Variants in CTPS1 observed in about 807,000 individuals in gnomAD.
The protein encoded by CTPS1 is CTP synthase 1.
In CTPS1, 25 loss-of-function variants were observed where a neutral mutation model predicts 80.5. That is an observed-to-expected ratio of 0.31 (90% CI 0.23 to 0.43). The LOEUF is 0.43. Among genes scored for constraint, CTPS1 ranks in the 20% least tolerant of loss-of-function variants. The pLI is 1.00. For missense variants in CTPS1, 442 were observed against 725.7 expected (o/e 0.61, Z 4.49); for synonymous variants, 267 against 252.5 (o/e 1.06, Z -0.54).
intron 3 of CTPS1, among the ~76,000 whole-genome samples, chr1:40,986,236 C>A (rs950373921): frequency 6.6e-6 from 1 of 152,172 alleles, no homozygotes; most frequent in Non-Finnish European, 1.5e-5. Context: ...GGCAGGTGGT[C>A]GGGGAGTCTC....
intron 3 of CTPS1, 54 bp downstream of exon 3, chr1:40,985,045 C>T: frequency 1.5e-6 from 2 of 1,308,098 alleles, no homozygotes; most frequent in Non-Finnish European, 2.1e-6. Context: ...TTAATTTCTT[C>T]TCCCTCCCAC....
At position 41,007,678 on chromosome 1, in the gene CTPS1, C is replaced by G; in HGVS notation, c.1393+133C>G. On this transcript the variant is annotated intron_variant, in intron 14 of 18. Coordinates refer to ENST00000650070, the MANE Select transcript of CTPS1 (RefSeq NM_001905.4). The surrounding 1 kb of genome is among the most constrained non-coding windows in gnomAD (Gnocchi z 4.4). ...TTCTTGCTTTTGAAGTTCATTCTTTCCTCTCTTATTCATACCCTTTTAGGA... is the reference window on the plus strand; with the variant it reads ...TTCTTGCTTTTGAAGTTCATTCTTTGCTCTCTTATTCATACCCTTTTAGGA... The G allele has an allele frequency of 2.9e-6, 2 of 688,428 alleles. No homozygotes were observed. Among genetic ancestry groups the G allele is most frequent in the South Asian group, 3.4e-5 (2 of 58,070 alleles). The allele number at this position is 688,428 out of a possible 1,614,324, so 42.6% of individuals were successfully genotyped here. A position where few individuals can be genotyped will look rare whatever the true frequency, so the allele number is the denominator to read the frequency against.
rs1300483493 is a variant in CTPS1 at position 40,993,771 on chromosome 1, TCTC to T, written c.720+1927_720+1929del. Among the ~76,000 whole-genome samples the T allele has an allele frequency of 4.1e-4, 52 of 127,752 alleles. 1 individual carries two copies. The South Asian group carries it at 0.013, about 31-fold the overall frequency. The allele number at this position is 127,752 out of a possible 152,430, so 83.8% of individuals were successfully genotyped here. A position where few individuals can be genotyped will look rare whatever the true frequency, so the allele number is the denominator to read the frequency against. ...TGTGCCTTGTCTTTTCATTTTCTTC[TCTC>T]TTTTTTTTTTTTTTTTTTTTTTGAG... is the stretch of plus-strand genomic sequence containing the variant. On this transcript the variant is annotated intron_variant, in intron 7 of 18. Coordinates refer to ENST00000650070, the MANE Select transcript of CTPS1 (RefSeq NM_001905.4).
Position 41,007,215 on chromosome 1 carries a change from C to G in CTPS1, c.1297-234C>G, listed in dbSNP as rs1643054960. On this transcript the variant is annotated intron_variant, in intron 13 of 18. Coordinates refer to ENST00000650070, the MANE Select transcript of CTPS1 (RefSeq NM_001905.4). This position sits in a 1 kb window ranked among gnomAD's most constrained non-coding sequence, Gnocchi z 4.4. Reference sequence around the variant, plus strand: ...GGGGCGGGACTAGCCTGAGGAGGGGCTGCTGTGGTCCTGTCTGCAGATCAG... The same window carrying G: ...GGGGCGGGACTAGCCTGAGGAGGGGGTGCTGTGGTCCTGTCTGCAGATCAG... Among the ~76,000 whole-genome samples, 1 of 152,180 alleles carries G rather than the reference C, an allele frequency of 6.6e-6. No individual in the cohort carries two copies. The highest frequency in any genetic ancestry group is 1.5e-5 in the Non-Finnish European group (1 of 68,022).
rs753184274 is a variant in CTPS1, at chr1:40,983,229, T to C, written c.-13-49T>C. 2.7e-6 allele frequency: 4 copies of C among 1,507,062 alleles called. No homozygotes were observed. In the African/African-American group the frequency reaches 4.1e-5, roughly 16 times the overall value. 93.4% of individuals were successfully genotyped at this position (1,507,062 alleles called of 1,614,324 possible). A position where few individuals can be genotyped will look rare whatever the true frequency, so the allele number is the denominator to read the frequency against. On this transcript the variant is annotated intron_variant, in intron 1 of 18. Transcript: ENST00000650070. Reference sequence around the variant, plus strand: ...GCCAGTGTTTGAACCCAGATGAGTTTGGTTTGTTGAGATACATTTATATCA... The same window carrying C: ...GCCAGTGTTTGAACCCAGATGAGTTCGGTTTGTTGAGATACATTTATATCA...
At chr1:40,996,177 C>A in intron 8 of CTPS1, 109 bp downstream of exon 8, 1 of 1,197,052 alleles carries the variant, frequency 8.4e-7, no homozygotes, top group Non-Finnish European at 1.2e-6. Flanking sequence ...TTCTGCCATC[C>A]ACTCATTAGA....
intron 16 of CTPS1, 31 bp from the exon 17 acceptor site, chr1:41,009,414 T>G: frequency 6.5e-7 from 1 of 1,533,604 alleles, no homozygotes; most frequent in Non-Finnish European, 8.7e-7. Context: ...ACCTTCACAA[T>G]GAAGCTGTTT....
chr1:40,986,311 G>A lies in CTPS1; in HGVS notation c.338-1061G>A, dbSNP rs1040423726. On this transcript the variant is annotated intron_variant, in intron 3 of 18. Transcript: ENST00000650070. ...AGAGTGGAATGAGAAGTGCGGAGGC[G>A]CAGGGCTACGAAGGCGTGGTTGGTC... 7.2e-5 allele frequency among the ~76,000 whole-genome samples: 11 copies of A among 152,224 alleles called. No homozygotes were observed. The South Asian group carries it at 8.3e-4, about 11-fold the overall frequency.
chr1:41,003,060 G>A (rs1642942842), intron 11 of CTPS1, 54 bp from the exon 12 acceptor site: 4 of 1,589,904 alleles, frequency 2.5e-6, no homozygotes, highest in African/African-American at 1.3e-5. Flanking sequence ...GCTGGGAAAA[G>A]TAGGAGCTGC....
intron 5 of CTPS1, among the ~76,000 whole-genome samples, chr1:40,990,495 C>A (rs1642575154): frequency 6.6e-6 from 1 of 152,058 alleles, no homozygotes. Context: ...ATTAAAAATT[C>A]TAGTGGAGGC....
chr1:41,008,663 A>G lies in CTPS1; in HGVS notation c.1398A>G (p.Lys466=), dbSNP rs2148420426. 1 of 1,614,132 alleles carries G rather than the reference A, an allele frequency of 6.2e-7. No individual in the cohort carries two copies. Residue 466 remains lysine (K), a synonymous_variant, in exon 15 of 19, where the codon AAA becomes AAG. Transcript: ENST00000650070. ...LFQTKNSVMR[K]LYGDADYLEE... Reference sequence around the variant, plus strand: ...ACAGCCCGTTTGTTTTGCCAGGGAAACTCTATGGAGACGCAGACTACTTGG... The same window carrying G: ...ACAGCCCGTTTGTTTTGCCAGGGAAGCTCTATGGAGACGCAGACTACTTGG...
At chr1:40,989,824 T>G (rs912626237) in intron 5 of CTPS1, among the ~76,000 whole-genome samples, 2 of 151,744 alleles carry the variant, frequency 1.3e-5, no homozygotes, top group African/African-American at 4.8e-5. Flanking sequence ...CAGAAAAGAA[T>G]CCTTGGAAAT....
At chr1:40,983,725 C>G (rs550053788) in intron 2 of CTPS1, among the ~76,000 whole-genome samples, 1 of 151,386 alleles carries the variant, frequency 6.6e-6, no homozygotes, top group Non-Finnish European at 1.5e-5. Context: ...TTGGCTCAAG[C>G]GATCCTCTCA....
At chr1:40,987,710 T>A (rs1319217490) in intron 4 of CTPS1, among the ~76,000 whole-genome samples, 1 of 152,226 alleles carries the variant, frequency 6.6e-6, no homozygotes, top group Non-Finnish European at 1.5e-5. Context: ...TAGTACTGAT[T>A]GTCCCCATGA....
At chr1:41,000,135 G>C (rs530006943) in intron 9 of CTPS1, among the ~76,000 whole-genome samples, 1 of 152,232 alleles carries the variant, frequency 6.6e-6, no homozygotes, top group African/African-American at 2.4e-5. Context: ...GAGGCAAAAC[G>C]AATCTGTGAT....
chr1:41,009,490 C>T lies in CTPS1; in HGVS notation c.1592C>T (p.Ser531Phe). 1 of 1,612,802 alleles carries T rather than the reference C, an allele frequency of 6.2e-7. No homozygotes were observed. The highest frequency in any genetic ancestry group is 1.1e-5 in the South Asian group (1 of 90,810). ...VGVQYHPEFLSRPIKPSPPYF... is the reference protein window; with the variant it reads ...VGVQYHPEFLFRPIKPSPPYF... ...GTTCAGTACCACCCTGAGTTCCTGT[C>T]CAGGCCTATCAAGCCCTCCCCACCA... is the stretch of plus-strand genomic sequence containing the variant. Residue 531 changes from serine to phenylalanine, a missense_variant, in exon 17 of 19, where the codon TCC becomes TTC. Transcript: ENST00000650070.
Position 40,996,031 on chromosome 1 carries a change from A to C in CTPS1, c.835A>C (p.Arg279=). ...TGACCTTCCTATTGAGAGGCAGCCA[A>C]GAAAAATGCTGATGAAATGGAAAGA... The part of the protein sequence containing the change: ...RLDLPIERQP[R]KMLMKWKEMA... The change falls in exon 8 of 19, where the codon AGA becomes CGA. Residue 279 remains arginine (R), a synonymous_variant. Coordinates refer to ENST00000650070, the MANE Select transcript of CTPS1 (RefSeq NM_001905.4). 1.2e-6 allele frequency: 2 copies of C among 1,614,202 alleles called. No individual in the cohort carries two copies. The highest frequency in any genetic ancestry group is 1.7e-6 in the Non-Finnish European group (2 of 1,180,016).
At chr1:40,993,550 C>T (rs1405082635) in intron 7 of CTPS1, among the ~76,000 whole-genome samples, 1 of 152,102 alleles carries the variant, frequency 6.6e-6, no homozygotes, top group Non-Finnish European at 1.5e-5. Context: ...GTTGCCCAGG[C>T]TGGTCTTGAA....
intron 7 of CTPS1, among the ~76,000 whole-genome samples, chr1:40,994,026 G>A (rs1642687777): frequency 1.3e-5 from 2 of 152,024 alleles, no homozygotes; most frequent in South Asian, 2.1e-4. Flanking sequence ...TGATCTGCCT[G>A]CCTCGGCCTC....
Sources: gnomAD v4.1 joint callset for allele counts (sites outside exome capture counted in the v4.1 genomes callset) on GRCh38, gnomAD v4.1.1 for gene constraint, Gnocchi (gnomAD v3.1) non-coding constraint, MANE v1.5 for transcripts, NCBI Gene and HGNC (gene_info 2026-07-23, HGNC 2026-07-21) for gene names.